Variants in ZFHX3 observed in about 807,000 individuals in gnomAD.
ZFHX3 encodes the protein zinc finger homeobox protein 3.
In ZFHX3, 42 loss-of-function variants were observed where a neutral mutation model predicts 279.1. The observed-to-expected ratio is 0.15, with a 90% CI of 0.12 to 0.19. ZFHX3 has a LOEUF of 0.19. Among genes scored for constraint, ZFHX3 ranks in the 10% least tolerant of loss-of-function variants. ZFHX3 has a pLI of 1.00. For synonymous variants in ZFHX3, 2,293 were observed against 1,957.8 expected, an observed-to-expected ratio of 1.17 and a Z score of -4.52; for missense variants, 4,981 against 4,754.0, an observed-to-expected ratio of 1.05 and a Z score of -1.40.
rs79216452 is a variant in ZFHX3, at chr16:73,596,404, G to C, written c.-1547+83776C>G. On this transcript the variant is annotated intron_variant, in intron 2 of 17. Transcript: ENST00000641206. ...ACTATAGCTCTGTCATTGCCTCCAGGGTGGAGTTTCAGCCTGCTCCTGTCT... is the reference window on the plus strand; with the variant it reads ...ACTATAGCTCTGTCATTGCCTCCAGCGTGGAGTTTCAGCCTGCTCCTGTCT... Among the ~76,000 whole-genome samples the C allele has an allele frequency of 2.7e-3, 407 of 152,128 alleles. 2 individuals carry two copies. Among genetic ancestry groups the C allele is most frequent in the African/African-American group, 9.2e-3 (383 of 41,498 alleles).
chr16:73,543,098 G>A (rs1375531080), intron 2 of ZFHX3, among the ~76,000 whole-genome samples: 1 of 152,148 alleles, frequency 6.6e-6, no homozygotes, highest in Non-Finnish European at 1.5e-5. Context: ...GCTCGGCTCG[G>A]GCAGGTATGT....
intron 1 of ZFHX3, among the ~76,000 whole-genome samples, chr16:72,980,188 GTATCTTCACACCACAC>G (rs1962527782): frequency 6.6e-6 from 1 of 152,144 alleles, no homozygotes; most frequent in Non-Finnish European, 1.5e-5. Flanking sequence ...GAAGACCTGG[GTATCTTCACACCACAC>G]TAACAGTGCC....
intron 1 of ZFHX3, among the ~76,000 whole-genome samples, chr16:73,022,518 C>A (rs763740079): frequency 1.6e-4 from 24 of 152,000 alleles, no homozygotes; most frequent in Non-Finnish European, 2.2e-4. Flanking sequence ...TAGGAGCATC[C>A]CTGGCCTCTA....
chr16:73,281,355 A>G (rs755079479), intron 4 of ZFHX3, among the ~76,000 whole-genome samples: 1 of 152,218 alleles, frequency 6.6e-6, no homozygotes, highest in Non-Finnish European at 1.5e-5. Flanking sequence ...AGAGGACACT[A>G]TGTTAAGTGA....
intron 1 of ZFHX3, among the ~76,000 whole-genome samples, chr16:72,961,145 G>A (rs1238054263): frequency 6.6e-6 from 1 of 152,164 alleles, no homozygotes; most frequent in African/African-American, 2.4e-5. Flanking sequence ...CTGGCTGGAG[G>A]GAGTGCGTTC....
intron 7 of ZFHX3, among the ~76,000 whole-genome samples, chr16:73,106,655 G>GA (rs1365333275): frequency 1.3e-5 from 2 of 152,192 alleles, no homozygotes; most frequent in Non-Finnish European, 2.9e-5. Context: ...GTGCAAGTTG[G>GA]AAAAAGCTGG....
At chr16:73,031,435 G>A (rs1964695487) in intron 1 of ZFHX3, among the ~76,000 whole-genome samples, 1 of 152,160 alleles carries the variant, frequency 6.6e-6, no homozygotes, top group African/African-American at 2.4e-5. Flanking sequence ...AGCATTCCAG[G>A]TATCAGGAGG....
intron 1 of ZFHX3, among the ~76,000 whole-genome samples, chr16:73,038,420 G>A (rs559751876): frequency 1.4e-5 from 2 of 146,486 alleles, no homozygotes; most frequent in South Asian, 2.1e-4. Flanking sequence ...CCCTGACTCA[G>A]TAACAGTAGA....
At chr16:73,093,451 T>C (rs1467066336) in exon 8 of ZFHX3, 2 of 495,126 alleles carry the variant, frequency 4.0e-6, no homozygotes, top group East Asian at 5.7e-5. Flanking sequence ...CTCAGCTCTT[T>C]TGGGGGTTCC....
At chr16:73,192,689 C>T (rs1968068572) in intron 5 of ZFHX3, among the ~76,000 whole-genome samples, 1 of 152,206 alleles carries the variant, frequency 6.6e-6, no homozygotes, top group African/African-American at 2.4e-5. Context: ...GAGCACCACT[C>T]CAGTGACTAA....
chr16:73,482,482 C>T (rs935774227), intron 2 of ZFHX3, among the ~76,000 whole-genome samples: 4 of 152,100 alleles, frequency 2.6e-5, no homozygotes, highest in African/African-American at 7.2e-5. Flanking sequence ...GGGGTCCGGC[C>T]CCTCCCTGCA....
chr16:73,581,862 G>T (rs963140741), intron 2 of ZFHX3, among the ~76,000 whole-genome samples: 4 of 151,182 alleles, frequency 2.6e-5, no homozygotes, highest in African/African-American at 9.8e-5. Context: ...TTTTAGTAGA[G>T]ACAGGGTTTC....
intron 2 of ZFHX3, among the ~76,000 whole-genome samples, chr16:73,665,903 C>T (rs1319399033): frequency 6.7e-6 from 1 of 149,940 alleles, no homozygotes; most frequent in Non-Finnish European, 1.5e-5. Flanking sequence ...GCAAGGTCTG[C>T]CTCCCGGGTT....
At chr16:73,269,110 T>C (rs930690036) in intron 4 of ZFHX3, among the ~76,000 whole-genome samples, 1 of 152,244 alleles carries the variant, frequency 6.6e-6, no homozygotes, top group Non-Finnish European at 1.5e-5. Context: ...ATACCTTCTG[T>C]CCTAATTTGG....
chr16:73,398,002 G>A (rs2017164616), intron 3 of ZFHX3, among the ~76,000 whole-genome samples: 1 of 152,060 alleles, frequency 6.6e-6, no homozygotes, highest in Non-Finnish European at 1.5e-5. Context: ...CGGCCACCAT[G>A]CCCGGCTAAT....
intron 2 of ZFHX3, among the ~76,000 whole-genome samples, chr16:73,622,297 G>A (rs891188431): frequency 2.6e-5 from 4 of 152,182 alleles, no homozygotes; most frequent in Non-Finnish European, 5.9e-5. Flanking sequence ...AGGGGCTCAC[G>A]CCTGTAATCC....
intron 1 of ZFHX3, among the ~76,000 whole-genome samples, chr16:73,028,543 A>T (rs1157265957): frequency 6.6e-6 from 1 of 152,210 alleles, no homozygotes; most frequent in Non-Finnish European, 1.5e-5. Flanking sequence ...AGCCTTGGCC[A>T]CACCCAAGGG....
At chr16:73,817,237 C>A (rs1333528495) in intron 1 of ZFHX3, among the ~76,000 whole-genome samples, 1 of 152,150 alleles carries the variant, frequency 6.6e-6, no homozygotes, top group East Asian at 1.9e-4. Flanking sequence ...TGACTCAGGT[C>A]CAAAGTAATT....
intron 3 of ZFHX3, among the ~76,000 whole-genome samples, chr16:73,419,911 T>A (rs965671074): frequency 1.4e-4 from 21 of 151,614 alleles, no homozygotes; most frequent in Non-Finnish European, 1.3e-4. Context: ...ATAGATAATT[T>A]TTTTTTTTTT....
Sources: allele counts gnomAD v4.1 joint callset (sites outside exome capture counted in the v4.1 genomes callset), GRCh38; gene constraint gnomAD v4.1.1; transcripts MANE v1.5; gene names NCBI Gene and HGNC (gene_info 2026-07-23, HGNC 2026-07-21).